BSCL2: variants seen among roughly 807,000 people sequenced by gnomAD.
BSCL2 encodes BSCL2 lipid droplet biogenesis associated, seipin.
A neutral mutation model predicts 57.4 loss-of-function variants in BSCL2; 41 were observed. That is an observed-to-expected ratio of 0.71 (90% confidence interval 0.56 to 0.93). BSCL2 has a LOEUF of 0.93. Among genes scored for constraint, BSCL2 ranks in the 40% least tolerant of loss-of-function variants. BSCL2 has a pLI of 0.00. For missense variants in BSCL2, 539 were observed against 586.7 expected (o/e 0.92, Z 0.84); for synonymous variants, 237 against 227.3 (o/e 1.04, Z -0.38).
rs970321804 is a variant in BSCL2, at chr11:62,706,205, A to G, written c.88-588T>C. 2.8e-5 allele frequency: 30 copies of G among 1,061,620 alleles called. No homozygotes were observed. The highest frequency in any genetic ancestry group is 3.2e-5 in the Non-Finnish European group (28 of 870,384). The allele number at this position is 1,061,620 out of a possible 1,614,324, so 65.8% of individuals were successfully genotyped here. A position where few individuals can be genotyped will look rare whatever the true frequency, so the allele number is the denominator to read the frequency against. On this transcript the variant is annotated intron_variant, in intron 1 of 10. Transcript: ENST00000360796. ...GGCAAAGCGCCCGGAGCCCCTACCT[A>G]ATCGTGCAACCATGGAAACCAGCCC...
rs191422290 is a variant in BSCL2, at chr11:62,702,286, G to A, written c.486+182C>T. 8.2e-3 allele frequency among the ~76,000 whole-genome samples: 1,246 copies of A among 152,120 alleles called. 5 individuals are homozygous for A. The highest frequency in any genetic ancestry group is 0.014 in the Middle Eastern group (4 of 292). ...TCTCCGCGTTGGTCAGGCTGGTCTC[G>A]AACTCCCAACCTCAGGTGATCTGCC... On this transcript the variant is annotated intron_variant, in intron 3 of 10. Transcript: ENST00000360796.
chr11:62,700,205 C>A (rs1179381630), intron 3 of BSCL2, among the ~76,000 whole-genome samples: 1 of 151,372 alleles, frequency 6.6e-6, no homozygotes, highest in Non-Finnish European at 1.5e-5. Flanking sequence ...CGTATCACTG[C>A]ACTCCAGGCT....
upstream of BSCL2, chr11:62,709,457 GA>G (rs753303483): frequency 1.1e-5 from 5 of 454,066 alleles, no homozygotes; most frequent in South Asian, 3.1e-5. Flanking sequence ...ACAGGCCGAA[GA>G]GGGGGGATTT....
upstream of BSCL2, chr11:62,708,550 G>C (rs1370222185): frequency 1.0e-5 from 14 of 1,384,548 alleles, no homozygotes; most frequent in African/African-American, 4.3e-5. Context: ...CAGGCCTCTG[G>C]GGGGGATGAG....
In BSCL2 at chr11:62,690,503, T is replaced by C. The variant is rs759063057; in HGVS notation, c.1253A>G (p.Asp418Gly). The part of the protein sequence containing the change: ...EASDGSGSWE[D>G]AALLTEANLP... ...GTTGGCCTCCGTCAGCAAAGCTGCATCTTCCCAGGAGCCTGAACCTGGGCC... is the reference window on the plus strand; with the variant it reads ...GTTGGCCTCCGTCAGCAAAGCTGCACCTTCCCAGGAGCCTGAACCTGGGCC... The change falls in exon 11 of 11, where the codon GAT becomes GGT. Residue 418 changes from aspartate to glycine, a missense_variant. This residue lies in a region of BSCL2 where 248 missense variants were observed against 239.9 expected (regional missense o/e 1.03). Transcript: ENST00000360796. 4 of 1,614,174 alleles carry C rather than the reference T, an allele frequency of 2.5e-6. No individual in the cohort carries two copies.
chr11:62,706,145 G>C, intron 1 of BSCL2: 1 of 960,890 alleles, frequency 1.0e-6, no homozygotes, highest in Non-Finnish European at 1.3e-6. Context: ...GCAGCCAACC[G>C]CCGCTTCCCG....
At chr11:62,702,615 T>G in intron 2 of BSCL2, 66 bp from the exon 3 acceptor site, 1 of 1,415,720 alleles carries the variant, frequency 7.1e-7, no homozygotes. Flanking sequence ...ACACCTTCTT[T>G]GCCCCCTAGG....
Position 62,692,488 on chromosome 11 carries a change from G to A in BSCL2, c.766-15C>T, listed in dbSNP as rs775371845. On this transcript the variant is annotated splice_polypyrimidine_tract_variant and intron_variant, in intron 5 of 10. Coordinates refer to ENST00000360796, the MANE Select transcript of BSCL2 (RefSeq NM_001122955.4). Reference sequence around the variant, plus strand: ...GTCGGCACGTACTGTGAGGGGGTGGGGTGAGGGTGGCGTCAGGCCAGGGTC... The same window carrying A: ...GTCGGCACGTACTGTGAGGGGGTGGAGTGAGGGTGGCGTCAGGCCAGGGTC... 6.2e-7 allele frequency: 1 copy of A among 1,613,280 alleles called. No homozygotes were observed. Among genetic ancestry groups the A allele is most frequent in the Non-Finnish European group, 8.5e-7 (1 of 1,179,712 alleles).
At chr11:62,697,786 T>G (rs1490350490) in intron 3 of BSCL2, among the ~76,000 whole-genome samples, 49 of 141,658 alleles carry the variant, frequency 3.5e-4, no homozygotes, top group African/African-American at 1.2e-3. Context: ...AGAGAGAGAC[T>G]CTGTATCAAA....
chr11:62,707,716 CAGTGCTTG>C (rs1590888053), upstream of BSCL2: 1 of 340,622 alleles, frequency 2.9e-6, no homozygotes, highest in African/African-American at 2.1e-5. Context: ...GCCATCCAGA[CAGTGCTTG>C]AGCTGCAGAA....
chr11:62,706,294 G>A (rs1422814397), intron 1 of BSCL2: 2 of 1,116,052 alleles, frequency 1.8e-6, no homozygotes, highest in Non-Finnish European at 2.2e-6. Flanking sequence ...CGTGAGACGG[G>A]ACTTCCGGCT....
At chr11:62,709,434 A>G, upstream of BSCL2, 1 of 454,038 alleles carries the variant, frequency 2.2e-6, no homozygotes, top group South Asian at 1.6e-5. Flanking sequence ...AACGAAGCCA[A>G]GTTAAAAGGT....
chr11:62,707,377 G>A lies in BSCL2; in HGVS notation c.-182C>T, dbSNP rs1390142567. The A allele has an allele frequency of 1.4e-6, 1 of 717,618 alleles. No homozygotes were observed. The highest frequency in any genetic ancestry group is 1.5e-5 in the South Asian group (1 of 67,828). The allele number at this position is 717,618 out of a possible 1,614,324, so 44.5% of individuals were successfully genotyped here. On this transcript the variant is annotated 5_prime_UTR_variant, in exon 1 of 11. Transcript: ENST00000360796. ...TAAGTGCTGTGTCAGAGTAGAGGGAGGAAAGGAGGAGGGGGGCGACTGCCC... is the reference window on the plus strand; with the variant it reads ...TAAGTGCTGTGTCAGAGTAGAGGGAAGAAAGGAGGAGGGGGGCGACTGCCC...
chr11:62,708,506 G>C, upstream of BSCL2: 1 of 1,208,210 alleles, frequency 8.3e-7, no homozygotes, highest in Non-Finnish European at 1.2e-6. Flanking sequence ...GAGGTCAGGG[G>C]AGGAGTCTGG....
At chr11:62,696,278 T>TTGTGTGTGTGTGTGTGTGTGTGTG (rs1197051764) in intron 3 of BSCL2, among the ~76,000 whole-genome samples, 23 of 136,322 alleles carry the variant, frequency 1.7e-4, no homozygotes, top group South Asian at 5.0e-4. Context: ...CATAAACTTT[T>TTGTGTGTGTGTGTGTGTGTGTGTG]TGTGTGTGTG....
chr11:62,708,476 CG>C, upstream of BSCL2: 1 of 1,243,696 alleles, frequency 8.0e-7, no homozygotes, highest in Non-Finnish European at 1.2e-6. Flanking sequence ...ATAAGAGATG[CG>C]TTCTTTCCTT....
intron 4 of BSCL2, among the ~76,000 whole-genome samples, chr11:62,694,306 C>T (rs1003400727): frequency 2.8e-5 from 4 of 144,272 alleles, no homozygotes; most frequent in Admixed American, 1.5e-4. Context: ...CAGGTTTAAG[C>T]GATCCTCCCA....
At chr11:62,708,185 G>A (rs191121618), upstream of BSCL2, 3,680 of 773,240 alleles carry the variant, frequency 4.8e-3, 32 homozygotes, top group South Asian at 6.2e-3. Flanking sequence ...GGATAGGAGG[G>A]GAACAAAATA....
At chr11:62,702,033 T>A (rs1798370972) in intron 3 of BSCL2, among the ~76,000 whole-genome samples, 1 of 151,038 alleles carries the variant, frequency 6.6e-6, no homozygotes, top group Non-Finnish European at 1.5e-5. Flanking sequence ...ACACAATTAA[T>A]TTTAATTTCT....
Sources: allele counts gnomAD v4.1 joint callset (sites outside exome capture counted in the v4.1 genomes callset), GRCh38; gene constraint gnomAD v4.1.1; regional missense constraint gnomAD v4.1.1; transcripts MANE v1.5; gene names NCBI Gene and HGNC (gene_info 2026-07-23, HGNC 2026-07-21).